CFAP77: variants seen among roughly 807,000 people sequenced by gnomAD.
The protein encoded by CFAP77 is cilia and flagella associated protein 77.
Under a neutral mutation model 31.1 loss-of-function variants are expected in CFAP77, and 25 were observed. That is an observed-to-expected ratio of 0.80 (90% CI 0.59 to 1.12). CFAP77 has a LOEUF of 1.12. Among genes scored for constraint, CFAP77 ranks in the 50% most tolerant of loss-of-function variants. The pLI is 0.00. For missense variants in CFAP77, 377 were observed against 397.3 expected, an observed-to-expected ratio of 0.95 and a Z score of 0.44; for synonymous variants, 151 against 159.9, an observed-to-expected ratio of 0.94 and a Z score of 0.42.
chr9:132,484,692 C>A (rs755353762), intron 1 of CFAP77, among the ~76,000 whole-genome samples: 1 of 151,190 alleles, frequency 6.6e-6, no homozygotes, highest in African/African-American at 2.4e-5. Flanking sequence ...GCTATGAACA[C>A]GCAGGTACAT....
rs528634693 is a variant in CFAP77 at position 132,410,422 on chromosome 9, G to T, written c.151G>T (p.Gly51Trp). The T allele has an allele frequency of 1.3e-6, 2 of 1,599,340 alleles. No homozygotes were observed. The highest frequency in any genetic ancestry group is 2.8e-5 in the African/African-American group (2 of 72,406). The change falls in exon 1 of 6, where the codon GGG becomes TGG. Residue 51 changes from glycine to tryptophan, a missense_variant. By Grantham distance (184) the Gly-to-Trp change is radical (BLOSUM62 -2). Coordinates refer to ENST00000393216, the MANE Select transcript of CFAP77 (RefSeq NM_001282957.2). ...TTCCGGCATGGAGAACGAGCGGCTG[G>T]GGGTCGTGCGGGACTCCATGTTTCA... ...IRSGMENERL[G>W]VVRDSMFQNP... is the part of the protein sequence containing the mutation.
At chr9:132,547,368 G>A (rs1420820735) in intron 5 of CFAP77, among the ~76,000 whole-genome samples, 1 of 152,338 alleles carries the variant, frequency 6.6e-6, no homozygotes, top group Admixed American at 6.5e-5. Flanking sequence ...GATCCAGAGA[G>A]AATATGTGTG....
intron 1 of CFAP77, among the ~76,000 whole-genome samples, chr9:132,414,499 TCACACACACACACACA>T (rs34016277): frequency 5.6e-5 from 8 of 143,790 alleles, no homozygotes; most frequent in Middle Eastern, 3.5e-3. Context: ...TAGCTCTTAT[TCACACACACACACACA>T]CACACACACA....
At chr9:132,531,832 C>G (rs1177967836) in intron 3 of CFAP77, among the ~76,000 whole-genome samples, 6 of 152,150 alleles carry the variant, frequency 3.9e-5, no homozygotes, top group Non-Finnish European at 5.9e-5. Context: ...TCTCATGCCC[C>G]AAGCCCCTTT....
chr9:132,523,615 C>T (rs930322837), intron 3 of CFAP77, among the ~76,000 whole-genome samples: 2 of 152,142 alleles, frequency 1.3e-5, no homozygotes, highest in Non-Finnish European at 2.9e-5. Flanking sequence ...CAGGGGGGTC[C>T]GAGAACACCT....
chr9:132,458,348 AGG>A (rs538139245), intron 1 of CFAP77, among the ~76,000 whole-genome samples: 5 of 103,768 alleles, frequency 4.8e-5, no homozygotes, highest in South Asian at 3.4e-4. Flanking sequence ...CTGGCGGGGG[AGG>A]GGGGGGGGTG....
intron 1 of CFAP77, among the ~76,000 whole-genome samples, chr9:132,475,837 A>G (rs114467788): frequency 0.016 from 2,368 of 152,228 alleles, 73 homozygotes; most frequent in African/African-American, 0.054. Flanking sequence ...GTAGTAGTCC[A>G]GCTTTCCCAA....
chr9:132,425,537 C>T (rs1349526011), intron 1 of CFAP77, among the ~76,000 whole-genome samples: 4 of 152,078 alleles, frequency 2.6e-5, no homozygotes, highest in African/African-American at 9.7e-5. Flanking sequence ...AGCGTGATGC[C>T]TTTGGGGACG....
In CFAP77 at chr9:132,535,175, C is replaced by T. The variant is rs547536689; in HGVS notation, c.525-2426C>T. Among the ~76,000 whole-genome samples, 3 of 152,302 alleles carry T rather than the reference C, an allele frequency of 2.0e-5. No homozygotes were observed. The South Asian group carries it at 6.2e-4, about 32-fold the overall frequency. On this transcript the variant is annotated intron_variant, in intron 3 of 5. Coordinates refer to ENST00000393216, the MANE Select transcript of CFAP77 (RefSeq NM_001282957.2). ...ACTAATGAGTTGATAATGATATTTACAATTCAAATTTAAAATTACACAGGT... is the reference window on the plus strand; with the variant it reads ...ACTAATGAGTTGATAATGATATTTATAATTCAAATTTAAAATTACACAGGT...
intron 1 of CFAP77, among the ~76,000 whole-genome samples, chr9:132,448,549 CT>C (rs1474885024): frequency 6.6e-6 from 1 of 152,128 alleles, no homozygotes; most frequent in Non-Finnish European, 1.5e-5. Flanking sequence ...ACAGGAAATG[CT>C]CCCCAAATGA....
Position 132,486,078 on chromosome 9 carries a change from A to T in CFAP77, c.196-12617A>T, listed in dbSNP as rs1345407716. On this transcript the variant is annotated intron_variant, in intron 1 of 5. Coordinates refer to ENST00000393216, the MANE Select transcript of CFAP77 (RefSeq NM_001282957.2). ...TATGTGTGTGTGTGTATATATATATATATATATATATATTTTTTTTTTTTT... is the reference window on the plus strand; with the variant it reads ...TATGTGTGTGTGTGTATATATATATTTATATATATATATTTTTTTTTTTTT... 1.9e-3 allele frequency among the ~76,000 whole-genome samples: 34 copies of T among 17,532 alleles called. 8 individuals are homozygous for T. The highest frequency in any genetic ancestry group is 0.013 in the East Asian group (2 of 160). The allele number at this position is 17,532 out of a possible 152,430, so 11.5% of individuals were successfully genotyped here. A position where few individuals can be genotyped will look rare whatever the true frequency, so the allele number is the denominator to read the frequency against.
chr9:132,567,394 C>T (rs971799961), intron 5 of CFAP77, among the ~76,000 whole-genome samples: 27 of 152,208 alleles, frequency 1.8e-4, no homozygotes, highest in African/African-American at 6.3e-4. Flanking sequence ...TCTAAGTAAA[C>T]GGCGACTGCG....
At chr9:132,568,556 CAAA>C (rs34754814) in intron 5 of CFAP77, among the ~76,000 whole-genome samples, 103 of 90,028 alleles carry the variant, frequency 1.1e-3, no homozygotes, top group Admixed American at 3.0e-3. Flanking sequence ...AACTCCGCCT[CAAA>C]AAAAAAAAAA....
At chr9:132,454,917 T>G (rs922282633) in intron 1 of CFAP77, among the ~76,000 whole-genome samples, 1 of 152,180 alleles carries the variant, frequency 6.6e-6, no homozygotes, top group African/African-American at 2.4e-5. Context: ...ACTGAGGCAC[T>G]TCTTTCAAAG....
At chr9:132,570,886 T>C (rs1013614421) in intron 5 of CFAP77, among the ~76,000 whole-genome samples, 10 of 152,112 alleles carry the variant, frequency 6.6e-5, no homozygotes, top group South Asian at 2.1e-4. Flanking sequence ...CAATTCCCTA[T>C]GGGGGCAGCC....
intron 1 of CFAP77, among the ~76,000 whole-genome samples, chr9:132,487,629 T>C (rs1259218396): frequency 1.3e-4 from 19 of 151,780 alleles, no homozygotes; most frequent in Non-Finnish European, 7.4e-5. Context: ...TGTAGAATTT[T>C]GAATCCGGCT....
rs1851790217 is a variant in CFAP77 at position 132,498,844 on chromosome 9, C to T, written c.295+50C>T. On this transcript the variant is annotated intron_variant, in intron 2 of 5. Coordinates refer to ENST00000393216, the MANE Select transcript of CFAP77 (RefSeq NM_001282957.2). The surrounding 1 kb of genome is among the most constrained non-coding windows in gnomAD (Gnocchi z 4.2). The stretch of plus-strand genomic sequence containing the variant: ...AGGGCAGAGGAGTGGGAGGGAGGCT[C>T]ACCCCTCTTCACAGACCCCTTGACC... 2.3e-6 allele frequency: 3 copies of T among 1,319,278 alleles called. No homozygotes were observed. Among genetic ancestry groups the T allele is most frequent in the Admixed American group, 1.9e-5 (1 of 51,570 alleles). The allele number at this position is 1,319,278 out of a possible 1,614,324, so 81.7% of individuals were successfully genotyped here.
At chr9:132,451,976 T>G (rs2131714721) in intron 1 of CFAP77, among the ~76,000 whole-genome samples, 1 of 152,092 alleles carries the variant, frequency 6.6e-6, no homozygotes, top group East Asian at 1.9e-4. Flanking sequence ...GACTAATTTT[T>G]TATATTTTTA....
At chr9:132,463,557 T>C (rs1432621597) in intron 1 of CFAP77, among the ~76,000 whole-genome samples, 5 of 152,164 alleles carry the variant, frequency 3.3e-5, no homozygotes, top group Non-Finnish European at 5.9e-5. Context: ...CAGCAGAGGT[T>C]ACTCACAGTA....
Sources: allele counts gnomAD v4.1 joint callset (sites outside exome capture counted in the v4.1 genomes callset), GRCh38; gene constraint gnomAD v4.1.1; non-coding constraint Gnocchi (gnomAD v3.1); transcripts MANE v1.5; gene names NCBI Gene and HGNC (gene_info 2026-07-23, HGNC 2026-07-21).